ROBO1: variants seen among roughly 807,000 people sequenced by gnomAD.
The protein encoded by ROBO1 is roundabout homolog 1.
Under a neutral mutation model 195.9 loss-of-function variants are expected in ROBO1, and 149 were observed. The ratio of observed to expected loss-of-function variants is 0.76; its 90% CI spans 0.67 to 0.87. The LOEUF is 0.87. ROBO1 is among the 40% of genes least tolerant of loss of function. ROBO1 has a pLI of 0.00. For missense variants in ROBO1, 1,933 were observed against 2,068.3 expected, an observed-to-expected ratio of 0.93 and a Z score of 1.27; for synonymous variants, 816 against 733.2, an observed-to-expected ratio of 1.11 and a Z score of -1.82.
chr3:79,300,702 A>C (rs1303150546), intron 2 of ROBO1, among the ~76,000 whole-genome samples: 1 of 152,142 alleles, frequency 6.6e-6, no homozygotes, highest in Non-Finnish European at 1.5e-5. Flanking sequence ...GGAGGTGGAG[A>C]ACCTTTATGT....
chr3:78,633,262 T>C (rs536300056), intron 24 of ROBO1, among the ~76,000 whole-genome samples: 4 of 152,276 alleles, frequency 2.6e-5, no homozygotes, highest in South Asian at 4.1e-4. Context: ...AATAACGAAC[T>C]GCCTTTAATT....
intron 3 of ROBO1, among the ~76,000 whole-genome samples, chr3:79,011,564 A>C (rs1199473534): frequency 6.6e-6 from 1 of 151,882 alleles, no homozygotes; most frequent in Non-Finnish European, 1.5e-5. Context: ...GGCTTCAATC[A>C]CGTTAGTGCA....
Position 78,975,988 on chromosome 3 carries a change from A to G in ROBO1, c.173-37061T>C, listed in dbSNP as rs563699619. On this transcript the variant is annotated intron_variant, in intron 3 of 30. Transcript: ENST00000464233. ...TACTTAAAATATACAGCATAACGTAAAAGTCAGCCTAATTTTGTTCTTTTG... is the reference window on the plus strand; with the variant it reads ...TACTTAAAATATACAGCATAACGTAGAAGTCAGCCTAATTTTGTTCTTTTG... Among the ~76,000 whole-genome samples, 3 of 152,312 alleles carry G rather than the reference A, an allele frequency of 2.0e-5. 1 individual carries two copies. In the South Asian group the frequency reaches 6.2e-4, roughly 32 times the overall value.
intron 3 of ROBO1, among the ~76,000 whole-genome samples, chr3:79,083,423 T>C (rs1375175547): frequency 6.6e-6 from 1 of 152,196 alleles, no homozygotes; most frequent in Non-Finnish European, 1.5e-5. Flanking sequence ...TTTGTCTATC[T>C]ATCTGATGGT....
chr3:79,749,893 A>G (rs1203978695), intron 1 of ROBO1, among the ~76,000 whole-genome samples: 1 of 152,230 alleles, frequency 6.6e-6, no homozygotes, highest in Non-Finnish European at 1.5e-5. Context: ...GCCCCCACAC[A>G]GAGTCCCTAC....
chr3:79,612,786 A>G (rs1164908459), intron 1 of ROBO1, among the ~76,000 whole-genome samples: 2 of 4,434 alleles, frequency 4.5e-4, no homozygotes, highest in Non-Finnish European at 9.0e-4. Context: ...GCCAGTGATG[A>G]TGAGCATTTT....
intron 3 of ROBO1, among the ~76,000 whole-genome samples, chr3:79,090,340 C>T (rs1371736805): frequency 6.6e-6 from 1 of 151,932 alleles, no homozygotes; most frequent in Admixed American, 6.6e-5. Context: ...TTAGAAAGAC[C>T]TTCATGTCTT....
chr3:79,375,736 A>C (rs372763315), intron 2 of ROBO1, among the ~76,000 whole-genome samples: 4 of 152,234 alleles, frequency 2.6e-5, no homozygotes, highest in East Asian at 3.9e-4. Flanking sequence ...AGTCCTCGCT[A>C]TATTAACAAT....
intron 5 of ROBO1, among the ~76,000 whole-genome samples, chr3:78,724,819 A>G (rs1383755349): frequency 6.6e-6 from 1 of 152,204 alleles, no homozygotes; most frequent in Non-Finnish European, 1.5e-5. Context: ...TTCTCTGTCT[A>G]CATAGGGAAG....
At chr3:79,715,134 C>T (rs1345628940) in intron 1 of ROBO1, among the ~76,000 whole-genome samples, 2 of 151,976 alleles carry the variant, frequency 1.3e-5, no homozygotes, top group Non-Finnish European at 2.9e-5. Flanking sequence ...GGAATGTACT[C>T]CTGGTGAAGA....
At chr3:79,104,816 T>C (rs991953195) in intron 3 of ROBO1, among the ~76,000 whole-genome samples, 3 of 151,700 alleles carry the variant, frequency 2.0e-5, no homozygotes, top group Non-Finnish European at 4.4e-5. Context: ...AACAAAGCCA[T>C]AGCAATGGAA....
intron 4 of ROBO1, among the ~76,000 whole-genome samples, chr3:78,798,706 A>G (rs1194989906): frequency 6.6e-6 from 1 of 152,230 alleles, no homozygotes; most frequent in Non-Finnish European, 1.5e-5. Context: ...ATAGGAACAC[A>G]GACATGTCAA....
At chr3:79,458,155 T>G (rs942197178) in intron 2 of ROBO1, among the ~76,000 whole-genome samples, 1 of 151,920 alleles carries the variant, frequency 6.6e-6, no homozygotes, top group Non-Finnish European at 1.5e-5. Flanking sequence ...GCCTAGAAGA[T>G]GAAATAAAGG....
intron 2 of ROBO1, among the ~76,000 whole-genome samples, chr3:79,206,734 G>T (rs1196565705): frequency 6.6e-6 from 1 of 151,990 alleles, no homozygotes; most frequent in Non-Finnish European, 1.5e-5. Context: ...GATTATTTTG[G>T]GAATAAATGA....
intron 2 of ROBO1, among the ~76,000 whole-genome samples, chr3:79,274,967 A>G (rs1405472862): frequency 6.6e-6 from 1 of 152,044 alleles, no homozygotes; most frequent in Non-Finnish European, 1.5e-5. Context: ...ACTGATAACA[A>G]GTACTGAGAT....
At chr3:79,182,818 G>A (rs368558776) in intron 2 of ROBO1, among the ~76,000 whole-genome samples, 1 of 152,230 alleles carries the variant, frequency 6.6e-6, no homozygotes, top group African/African-American at 2.4e-5. Context: ...AGTGGCTCAT[G>A]CCTGTAATCC....
At chr3:78,858,398 A>G (rs1240870485) in intron 4 of ROBO1, among the ~76,000 whole-genome samples, 1 of 152,040 alleles carries the variant, frequency 6.6e-6, no homozygotes, top group Non-Finnish European at 1.5e-5. Context: ...GTCATGAATC[A>G]GTGTTGGCCA....
intron 2 of ROBO1, among the ~76,000 whole-genome samples, chr3:79,551,064 C>T (rs1214051664): frequency 6.6e-6 from 1 of 151,998 alleles, no homozygotes; most frequent in Non-Finnish European, 1.5e-5. Context: ...AGGACTTTGC[C>T]AGATGTTGGT....
intron 1 of ROBO1, among the ~76,000 whole-genome samples, chr3:79,625,208 G>A (rs931516094): frequency 3.3e-5 from 5 of 151,098 alleles, no homozygotes; most frequent in African/African-American, 1.2e-4. Flanking sequence ...CAGTATTAAG[G>A]GTGAAATTTA....
Sources: gnomAD v4.1 joint callset for allele counts (sites outside exome capture counted in the v4.1 genomes callset) on GRCh38, gnomAD v4.1.1 for gene constraint, MANE v1.5 for transcripts, NCBI Gene and HGNC (gene_info 2026-07-23, HGNC 2026-07-21) for gene names.